The following CDH12 variants were observed in gnomAD, a reference collection of about 807,000 sequenced individuals.
CDH12 encodes cadherin-12.
Under a neutral mutation model 74.1 loss-of-function variants are expected in CDH12, and 41 were observed. That is an observed-to-expected ratio of 0.55 (90% confidence interval 0.43 to 0.72). The LOEUF (loss-of-function observed/expected upper bound fraction) is 0.72, where lower values mean the gene tolerates loss of function less well. Among genes scored for constraint, CDH12 ranks in the 30% least tolerant of loss-of-function variants. The pLI, the probability that CDH12 is intolerant of heterozygous loss-of-function variation, is 0.00. For synonymous variants in CDH12, 399 were observed against 355.0 expected, an observed-to-expected ratio of 1.12 and a Z score of -1.39; for missense variants, 945 against 977.2, an observed-to-expected ratio of 0.97 and a Z score of 0.44.
intron 4 of CDH12, among the ~76,000 whole-genome samples, chr5:22,181,564 G>C (rs921698497): frequency 6.6e-6 from 1 of 151,808 alleles, no homozygotes; most frequent in African/African-American, 2.4e-5. Context: ...TCAATCTCGG[G>C]CTTATTTATA....
chr5:21,970,664 A>G (rs1016829253), intron 6 of CDH12, among the ~76,000 whole-genome samples: 2 of 151,430 alleles, frequency 1.3e-5, no homozygotes, highest in African/African-American at 4.9e-5. Context: ...ATGTGGCAAA[A>G]CCCCATCTCT....
intron 6 of CDH12, among the ~76,000 whole-genome samples, chr5:21,874,856 C>T (rs1159363342): frequency 6.6e-6 from 1 of 152,170 alleles, no homozygotes; most frequent in African/African-American, 2.4e-5. Flanking sequence ...CCTGGGGTTC[C>T]TCCTAATAGA....
At chr5:22,039,582 T>C (rs1739428094) in intron 5 of CDH12, among the ~76,000 whole-genome samples, 1 of 152,016 alleles carries the variant, frequency 6.6e-6, no homozygotes, top group Admixed American at 6.6e-5. Context: ...TACTAAATAT[T>C]CCCATTTTGG....
intron 4 of CDH12, among the ~76,000 whole-genome samples, chr5:22,089,565 TA>T (rs1743293599): frequency 6.6e-6 from 1 of 152,212 alleles, no homozygotes; most frequent in Admixed American, 6.5e-5. Flanking sequence ...ACATGGCAAT[TA>T]CAGAGATGAA....
At chr5:22,472,640 T>C (rs1205809932) in intron 2 of CDH12, among the ~76,000 whole-genome samples, 1 of 152,064 alleles carries the variant, frequency 6.6e-6, no homozygotes, top group Non-Finnish European at 1.5e-5. Flanking sequence ...AAAAAATCTA[T>C]TATACTGTGG....
intron 2 of CDH12, among the ~76,000 whole-genome samples, chr5:22,434,763 G>T (rs1744311042): frequency 6.6e-6 from 1 of 151,824 alleles, no homozygotes; most frequent in Non-Finnish European, 1.5e-5. Context: ...GATTTTTTGT[G>T]TGCTTTTTTT....
intron 2 of CDH12, among the ~76,000 whole-genome samples, chr5:22,454,761 C>T (rs1380229400): frequency 6.6e-6 from 1 of 152,310 alleles, no homozygotes; most frequent in African/African-American, 2.4e-5. Context: ...AGGCCTGAGC[C>T]ACTGTGCCCA....
At chr5:22,380,178 G>A (rs546903341) in intron 3 of CDH12, among the ~76,000 whole-genome samples, 5 of 152,284 alleles carry the variant, frequency 3.3e-5, no homozygotes, top group Non-Finnish European at 5.9e-5. Flanking sequence ...TAGAGGGTCT[G>A]AGATATAGAA....
At chr5:22,391,196 G>A (rs927969916) in intron 3 of CDH12, among the ~76,000 whole-genome samples, 2 of 152,128 alleles carry the variant, frequency 1.3e-5, no homozygotes, top group African/African-American at 4.8e-5. Context: ...TGCCAGGGAG[G>A]TTTTCACAAT....
At chr5:22,332,526 G>A (rs1739393263) in intron 3 of CDH12, among the ~76,000 whole-genome samples, 2 of 152,072 alleles carry the variant, frequency 1.3e-5, no homozygotes, top group South Asian at 2.1e-4. Context: ...GAGTGAACAA[G>A]CCACCTACAG....
chr5:22,137,526 C>T (rs1471372625), intron 4 of CDH12, among the ~76,000 whole-genome samples: 2 of 151,916 alleles, frequency 1.3e-5, no homozygotes, highest in Admixed American at 1.3e-4. Flanking sequence ...TTTAACATTT[C>T]TGATTTTAAT....
rs967135315 is a variant in CDH12 at position 22,260,750 on chromosome 5, G to T, written c.-332-48107C>A. ...GATACAAATGATCAATTAGATCAGTGCCTTAACGCTTCAGACAAGATTTAG... is the reference window on the plus strand; with the variant it reads ...GATACAAATGATCAATTAGATCAGTTCCTTAACGCTTCAGACAAGATTTAG... On this transcript the variant is annotated intron_variant, in intron 3 of 14. Coordinates refer to ENST00000382254, the MANE Select transcript of CDH12 (RefSeq NM_004061.5). Among the ~76,000 whole-genome samples, 4 of 152,052 alleles carry T rather than the reference G, an allele frequency of 2.6e-5. No individual in the cohort carries two copies. In the South Asian group the frequency reaches 8.3e-4, roughly 32 times the overall value.
At chr5:22,718,308 T>A (rs1580922686) in intron 1 of CDH12, among the ~76,000 whole-genome samples, 1 of 152,140 alleles carries the variant, frequency 6.6e-6, no homozygotes, top group East Asian at 1.9e-4. Flanking sequence ...CTCCCACACC[T>A]CTTAAAGTGG....
chr5:22,225,815 A>C (rs1296007496), intron 3 of CDH12, among the ~76,000 whole-genome samples: 2 of 152,124 alleles, frequency 1.3e-5, no homozygotes, highest in Non-Finnish European at 2.9e-5. Flanking sequence ...TCACTTGATT[A>C]AAGATTTAAG....
At chr5:22,049,158 G>C (rs1740169984) in intron 5 of CDH12, among the ~76,000 whole-genome samples, 1 of 152,028 alleles carries the variant, frequency 6.6e-6, no homozygotes, top group Non-Finnish European at 1.5e-5. Flanking sequence ...TCCCTGGCTG[G>C]TATTGATACA....
chr5:22,043,363 G>C (rs1230499316), intron 5 of CDH12, among the ~76,000 whole-genome samples: 1 of 152,112 alleles, frequency 6.6e-6, no homozygotes, highest in Non-Finnish European at 1.5e-5. Context: ...CATTTCAATA[G>C]ATGCAGAAAA....
At chr5:22,339,195 G>A (rs1020228886) in intron 3 of CDH12, among the ~76,000 whole-genome samples, 6 of 152,298 alleles carry the variant, frequency 3.9e-5, no homozygotes, top group African/African-American at 1.2e-4. Context: ...AGAAAGTACT[G>A]TCTGGAAAGT....
intron 5 of CDH12, among the ~76,000 whole-genome samples, chr5:21,985,889 T>G (rs1255304528): frequency 6.6e-6 from 1 of 152,144 alleles, no homozygotes; most frequent in African/African-American, 2.4e-5. Flanking sequence ...GCCTGAGTAA[T>G]GTTATGCAAA....
chr5:21,980,148 T>TA lies in CDH12; in HGVS notation c.232-4764dup, dbSNP rs200704666. On this transcript the variant is annotated intron_variant, in intron 5 of 14. Coordinates refer to ENST00000382254, the MANE Select transcript of CDH12 (RefSeq NM_004061.5). ...ATGTACCCTAAAACTTAAAGTATAA[T>TA]AAAAAAAAAAAACATACATACATAT... Among the ~76,000 whole-genome samples the TA allele has an allele frequency of 2.2e-3, 314 of 140,626 alleles. 3 individuals are homozygous for TA. In the South Asian group the frequency reaches 0.025, roughly 11 times the overall value. The allele number at this position is 140,626 out of a possible 152,430, so 92.3% of individuals were successfully genotyped here. A position where few individuals can be genotyped will look rare whatever the true frequency, so the allele number is the denominator to read the frequency against.
Sources: allele counts gnomAD v4.1 joint callset (sites outside exome capture counted in the v4.1 genomes callset), GRCh38; gene constraint gnomAD v4.1.1; transcripts MANE v1.5; gene names NCBI Gene and HGNC (gene_info 2026-07-23, HGNC 2026-07-21).